NBEA: variants seen among roughly 807,000 people sequenced by gnomAD.
NBEA encodes lysosomal-trafficking regulator 2.
Under a neutral mutation model 343.4 loss-of-function variants are expected in NBEA, and 44 were observed. That is an observed-to-expected ratio of 0.13 (90% confidence interval 0.10 to 0.16). NBEA has a LOEUF of 0.16. Among genes scored for constraint, NBEA ranks in the 10% least tolerant of loss-of-function variants. The probability of loss-of-function intolerance (pLI) is 1.00; values close to 1 mark genes in which losing one functional copy is unlikely to be tolerated. For missense variants in NBEA, 2,555 were observed against 3,631.3 expected, an observed-to-expected ratio of 0.70 and a Z score of 7.62; for synonymous variants, 1,175 against 1,238.7, an observed-to-expected ratio of 0.95 and a Z score of 1.08.
intron 48 of NBEA, among the ~76,000 whole-genome samples, chr13:35,614,401 G>A (rs1050835961): frequency 6.6e-6 from 1 of 151,932 alleles, no homozygotes; most frequent in Non-Finnish European, 1.5e-5. Flanking sequence ...TCTTCTTCAG[G>A]TTGTCAGCTA....
chr13:35,501,881 CTGATTT>C (rs2076901936), intron 41 of NBEA, among the ~76,000 whole-genome samples: 1 of 152,104 alleles, frequency 6.6e-6, no homozygotes, highest in African/African-American at 2.4e-5. Flanking sequence ...GATCCCCTCT[CTGATTT>C]TTTTCCACAT....
chr13:35,165,360 C>A (rs951476454), intron 24 of NBEA, among the ~76,000 whole-genome samples: 5 of 152,172 alleles, frequency 3.3e-5, no homozygotes, highest in Non-Finnish European at 5.9e-5. Context: ...TTTCCCCAGG[C>A]CTTACTCTTC....
intron 38 of NBEA, among the ~76,000 whole-genome samples, chr13:35,427,803 C>T (rs2044800388): frequency 6.6e-6 from 1 of 152,218 alleles, no homozygotes; most frequent in African/African-American, 2.4e-5. Flanking sequence ...TTCCCCGCTG[C>T]TTTGTTTACC....
chr13:35,315,663 T>G (rs1275106206), intron 36 of NBEA, among the ~76,000 whole-genome samples: 1 of 152,168 alleles, frequency 6.6e-6, no homozygotes, highest in Non-Finnish European at 1.5e-5. Context: ...TGTTTAGCAC[T>G]GAATTTAAGC....
chr13:35,119,332 A>G (rs1312252536), intron 16 of NBEA, among the ~76,000 whole-genome samples: 4 of 152,168 alleles, frequency 2.6e-5, no homozygotes, highest in African/African-American at 9.7e-5. Context: ...TTTATTGTGA[A>G]AAAGAGTTTG....
At chr13:35,445,327 T>A (rs1430307670) in intron 39 of NBEA, among the ~76,000 whole-genome samples, 2 of 152,180 alleles carry the variant, frequency 1.3e-5, no homozygotes, top group Non-Finnish European at 2.9e-5. Context: ...TTTATCAAAA[T>A]TTTAATAAAC....
At chr13:35,608,827 T>G (rs1285075937) in intron 48 of NBEA, among the ~76,000 whole-genome samples, 1 of 152,026 alleles carries the variant, frequency 6.6e-6, no homozygotes, top group Admixed American at 6.5e-5. Context: ...GCACTTGATT[T>G]TTTTTAACAT....
intron 30 of NBEA, among the ~76,000 whole-genome samples, chr13:35,184,979 A>G (rs1485383378): frequency 6.6e-6 from 1 of 152,166 alleles, no homozygotes; most frequent in African/African-American, 2.4e-5. Context: ...TTGGCCTTTA[A>G]GAAATGGTGA....
At chr13:35,464,923 A>G (rs1326043634) in intron 40 of NBEA, among the ~76,000 whole-genome samples, 1 of 152,192 alleles carries the variant, frequency 6.6e-6, no homozygotes, top group East Asian at 1.9e-4. Context: ...ACGTGAATGA[A>G]TGAATGAATG....
intron 45 of NBEA, among the ~76,000 whole-genome samples, chr13:35,567,801 G>T (rs928133518): frequency 1.3e-5 from 2 of 152,166 alleles, no homozygotes; most frequent in African/African-American, 4.8e-5. Flanking sequence ...TAGGGGGCAG[G>T]TTTAAGGGGC....
At position 35,550,603 on chromosome 13, in the gene NBEA, C is replaced by T. The variant is rs1256877523; in HGVS notation, c.6703+9C>T. 1.3e-6 allele frequency: 2 copies of T among 1,539,456 alleles called. No individual in the cohort carries two copies. Among genetic ancestry groups the T allele is most frequent in the Admixed American group, 1.7e-5 (1 of 58,962 alleles). On this transcript the variant is annotated intron_variant, in intron 42 of 58. Coordinates refer to ENST00000379939, the MANE Select transcript of NBEA (RefSeq NM_001385012.1). ...ATTTATGGCAAACCGAAGTAAGTCC[C>T]CTTAATATTTTGAAAGAAAATGTGC...
intron 17 of NBEA, 71 bp from the exon 18 acceptor site, chr13:35,142,198 T>G: frequency 1.1e-6 from 1 of 902,526 alleles, no homozygotes; most frequent in Non-Finnish European, 1.8e-6. Flanking sequence ...TTGTTCTCTC[T>G]TATCTAAAAG....
intron 38 of NBEA, among the ~76,000 whole-genome samples, chr13:35,419,594 G>A (rs1371354497): frequency 6.6e-6 from 1 of 152,006 alleles, no homozygotes; most frequent in East Asian, 1.9e-4. Context: ...AAATACGTAT[G>A]TACATATACC....
chr13:35,424,976 G>A (rs989471035), intron 38 of NBEA, among the ~76,000 whole-genome samples: 2 of 152,152 alleles, frequency 1.3e-5, no homozygotes, highest in Non-Finnish European at 2.9e-5. Flanking sequence ...TTTGTATTCT[G>A]TGGGATCGGT....
intron 45 of NBEA, among the ~76,000 whole-genome samples, chr13:35,582,555 A>T (rs1176449070): frequency 6.6e-6 from 1 of 152,164 alleles, no homozygotes; most frequent in Non-Finnish European, 1.5e-5. Flanking sequence ...ATACTGTCAT[A>T]CTTTGTTTTA....
At chr13:35,272,701 C>A (rs1182038757) in intron 34 of NBEA, among the ~76,000 whole-genome samples, 2 of 152,074 alleles carry the variant, frequency 1.3e-5, no homozygotes, top group African/African-American at 4.8e-5. Flanking sequence ...GCAGGGGTTG[C>A]AATCCTAGTC....
chr13:35,296,858 TATA>T (rs2036167121), intron 35 of NBEA, among the ~76,000 whole-genome samples: 1 of 152,104 alleles, frequency 6.6e-6, no homozygotes, highest in African/African-American at 2.4e-5. Context: ...TTAGCTATCA[TATA>T]ATAAGTAGTT....
chr13:35,403,239 A>G (rs559270624), intron 38 of NBEA, among the ~76,000 whole-genome samples: 12 of 152,166 alleles, frequency 7.9e-5, no homozygotes, highest in Middle Eastern at 3.4e-3. Context: ...TGAAATAGTT[A>G]TTAATGTTAA....
chr13:35,619,631 T>A (rs1051356464), intron 48 of NBEA, among the ~76,000 whole-genome samples: 4 of 152,160 alleles, frequency 2.6e-5, no homozygotes, highest in Non-Finnish European at 5.9e-5. Flanking sequence ...AGATAAGGAA[T>A]GGATCTCCAG....
Sources: allele counts gnomAD v4.1 joint callset (sites outside exome capture counted in the v4.1 genomes callset), GRCh38; gene constraint gnomAD v4.1.1; transcripts MANE v1.5; gene names NCBI Gene and HGNC (gene_info 2026-07-23, HGNC 2026-07-21).